Variants in FAM219A observed in about 807,000 individuals in gnomAD.
The protein encoded by FAM219A is family with sequence similarity 219 member A.
A neutral mutation model predicts 23.4 loss-of-function variants in FAM219A; 7 were observed. That is an observed-to-expected ratio of 0.30 (90% CI 0.17 to 0.56). FAM219A has a LOEUF of 0.56. FAM219A is among the 20% of genes least tolerant of loss of function. The pLI, the probability that FAM219A is intolerant of heterozygous loss-of-function variation, is 0.92. For synonymous variants in FAM219A, 93 were observed against 99.0 expected, an observed-to-expected ratio of 0.94 and a Z score of 0.36; for missense variants, 166 against 246.9, an observed-to-expected ratio of 0.67 and a Z score of 2.20.
chr9:34,436,033 G>A (rs1190346186), intron 1 of FAM219A, among the ~76,000 whole-genome samples: 1 of 152,094 alleles, frequency 6.6e-6, no homozygotes, highest in African/African-American at 2.4e-5. Flanking sequence ...TCAATCTCCT[G>A]ACCTCAGGTG....
chr9:34,420,982 G>A (rs1453918159), intron 1 of FAM219A, among the ~76,000 whole-genome samples: 2 of 138,420 alleles, frequency 1.4e-5, no homozygotes, highest in East Asian at 2.0e-4. Flanking sequence ...TCGTGTGTGT[G>A]TGTGTGTGTA....
chr9:34,451,244 G>A (rs1275498797), intron 1 of FAM219A, among the ~76,000 whole-genome samples: 3 of 152,184 alleles, frequency 2.0e-5, no homozygotes, highest in Non-Finnish European at 4.4e-5. Flanking sequence ...TGTGGATCAT[G>A]TGCCAATTTC....
intron 1 of FAM219A, chr9:34,406,499 A>C (rs945397128): frequency 1.7e-5 from 17 of 985,402 alleles, no homozygotes; most frequent in Non-Finnish European, 2.0e-5. Context: ...CAGCCACTGG[A>C]CAAAAAAATA....
chr9:34,453,548 T>C (rs1823631807), intron 1 of FAM219A, among the ~76,000 whole-genome samples: 1 of 152,192 alleles, frequency 6.6e-6, no homozygotes, highest in African/African-American at 2.4e-5. Flanking sequence ...GGCCACCCAC[T>C]GGAGAGATCT....
rs764189647 is a variant in FAM219A at position 34,413,315 on chromosome 9, G to A, written c.61-7351C>T. On this transcript the variant is annotated intron_variant, in intron 1 of 5. Transcript: ENST00000651358. The stretch of plus-strand genomic sequence containing the variant: ...GAACACTAAGGGGTTGGGAAAAAGA[G>A]GAATATTTGGTAGTTGGCCAGAGTG... Among the ~76,000 whole-genome samples the A allele has an allele frequency of 5.3e-5, 8 of 152,290 alleles. No individual in the cohort carries two copies. The South Asian group carries it at 1.0e-3, about 20-fold the overall frequency.
chr9:34,441,781 G>C (rs750208123), intron 1 of FAM219A, among the ~76,000 whole-genome samples: 2 of 152,140 alleles, frequency 1.3e-5, no homozygotes, highest in Non-Finnish European at 2.9e-5. Context: ...CCAGGCTGGA[G>C]TACAGTGGCA....
intron 1 of FAM219A, among the ~76,000 whole-genome samples, chr9:34,420,246 T>C (rs1204139431): frequency 1.3e-5 from 2 of 152,058 alleles, no homozygotes; most frequent in Non-Finnish European, 1.5e-5. Context: ...TCAGCCTATT[T>C]AAGGAAGAGA....
At chr9:34,412,809 G>C (rs1418188997) in intron 1 of FAM219A, among the ~76,000 whole-genome samples, 1 of 152,170 alleles carries the variant, frequency 6.6e-6, no homozygotes, top group Non-Finnish European at 1.5e-5. Flanking sequence ...GAAAGTCATA[G>C]GTAGTCTCAG....
chr9:34,427,790 T>C (rs1330577082), intron 1 of FAM219A, among the ~76,000 whole-genome samples: 1 of 152,204 alleles, frequency 6.6e-6, no homozygotes, highest in Non-Finnish European at 1.5e-5. Context: ...GACTACTTCT[T>C]CACTGTAAGC....
chr9:34,416,228 AAAGAAAGAAAGAAAGAAAG>A (rs1822007618), intron 1 of FAM219A, among the ~76,000 whole-genome samples: 1 of 135,886 alleles, frequency 7.4e-6, no homozygotes, highest in Admixed American at 7.6e-5. Flanking sequence ...AGAAAGAAAG[AAAGAAAGAAAGAAAGAAAG>A]AAAGAAAGAA....
chr9:34,404,553 C>T (rs942908216), intron 2 of FAM219A, among the ~76,000 whole-genome samples: 1 of 152,106 alleles, frequency 6.6e-6, no homozygotes, highest in African/African-American at 2.4e-5. Context: ...ACTAAAAATA[C>T]AAAAATTAGC....
intron 1 of FAM219A, among the ~76,000 whole-genome samples, chr9:34,442,516 C>T (rs1364407457): frequency 6.6e-6 from 1 of 152,072 alleles, no homozygotes; most frequent in Non-Finnish European, 1.5e-5. Context: ...AAAACTCTGT[C>T]TCTACTGAAA....
intron 1 of FAM219A, among the ~76,000 whole-genome samples, chr9:34,455,439 C>T (rs918775445): frequency 3.3e-5 from 5 of 150,846 alleles, no homozygotes; most frequent in Admixed American, 2.0e-4. Flanking sequence ...CTTTTTTGCC[C>T]TTTACCTCTA....
At chr9:34,419,073 T>TCAAA (rs34174911) in intron 1 of FAM219A, among the ~76,000 whole-genome samples, 9,468 of 151,724 alleles carry the variant, frequency 0.062, 325 homozygotes, top group Middle Eastern at 0.12. Context: ...AGACTCTGTC[T>TCAAA]CAAACAAACA....
At chr9:34,416,753 TG>T (rs1224885633) in intron 1 of FAM219A, among the ~76,000 whole-genome samples, 1 of 51,042 alleles carries the variant, frequency 2.0e-5, no homozygotes, top group Non-Finnish European at 5.2e-5. Context: ...AAAAAAAGTA[TG>T]ATTTTTTTAT....
chr9:34,400,115 TG>T lies in FAM219A; in HGVS notation c.*848del, dbSNP rs2131917928. Reference sequence around the variant, plus strand: ...CAGCCTCCCACGTCTTGGGCTGGGGTGAGGGGAATGGGCCATTGGAGTCCAG... The same window carrying T: ...CAGCCTCCCACGTCTTGGGCTGGGGTAGGGGAATGGGCCATTGGAGTCCAG... On this transcript the variant is annotated 3_prime_UTR_variant, in exon 6 of 6. Transcript: ENST00000651358. The T allele has an allele frequency of 6.8e-6, 1 of 146,810 alleles. No individual in the cohort carries two copies. Among genetic ancestry groups the T allele is most frequent in the African/African-American group, 2.5e-5 (1 of 39,378 alleles). The allele number at this position is 146,810 out of a possible 1,614,324, so 9.1% of individuals were successfully genotyped here.
intron 1 of FAM219A, among the ~76,000 whole-genome samples, chr9:34,427,179 CTTG>C (rs1337909914): frequency 1.3e-5 from 2 of 152,084 alleles, no homozygotes; most frequent in Non-Finnish European, 2.9e-5. Flanking sequence ...CACATCACCT[CTTG>C]TTTTTTTGAG....
Position 34,458,324 on chromosome 9 carries a change from CG to C in FAM219A, c.-62del. On this transcript the variant is annotated 5_prime_UTR_variant, in exon 1 of 6. Coordinates refer to ENST00000651358, the MANE Select transcript of FAM219A (RefSeq NM_001184940.2). The surrounding 1 kb of genome is among the most constrained non-coding windows in gnomAD (Gnocchi z 6.6). ...GGCCGCGGACGCCGACAGGACCGCG[CG>C]GGGCGGCGGCCCCAGGAGCCCGGCG... The C allele has an allele frequency of 8.4e-7, 1 of 1,196,402 alleles. No homozygotes were observed. The allele number at this position is 1,196,402 out of a possible 1,614,324, so 74.1% of individuals were successfully genotyped here.
chr9:34,426,713 G>A (rs931610667), intron 1 of FAM219A, among the ~76,000 whole-genome samples: 1 of 152,232 alleles, frequency 6.6e-6, no homozygotes, highest in Admixed American at 6.5e-5. Context: ...TAGGGAAATG[G>A]CTTCTGTCAT....
Sources: gnomAD v4.1 joint callset for allele counts (sites outside exome capture counted in the v4.1 genomes callset) on GRCh38, gnomAD v4.1.1 for gene constraint, Gnocchi (gnomAD v3.1) non-coding constraint, MANE v1.5 for transcripts, NCBI Gene and HGNC (gene_info 2026-07-23, HGNC 2026-07-21) for gene names.